NALCN: variants seen among roughly 807,000 people sequenced by gnomAD.
The protein encoded by NALCN is sodium leak channel NALCN.
A neutral mutation model predicts 225.3 loss-of-function variants in NALCN; 111 were observed. The ratio of observed to expected loss-of-function variants is 0.49; its 90% CI spans 0.42 to 0.58. The LOEUF (loss-of-function observed/expected upper bound fraction) is 0.58. Among genes scored for constraint, NALCN ranks in the 20% least tolerant of loss-of-function variants. The probability of loss-of-function intolerance (pLI) is 0.00; values close to 1 mark genes in which losing one functional copy is unlikely to be tolerated. For synonymous variants in NALCN, 764 were observed against 769.0 expected (o/e 0.99, Z 0.11); for missense variants, 1,378 against 2,202.4 (o/e 0.63, Z 7.49).
chr13:101,070,924 G>T (rs139688161), intron 37 of NALCN, among the ~76,000 whole-genome samples: 1 of 152,138 alleles, frequency 6.6e-6, no homozygotes, highest in African/African-American at 2.4e-5. Context: ...TTACAATCAC[G>T]GCGGAAGGGG....
intron 6 of NALCN, among the ~76,000 whole-genome samples, chr13:101,355,730 A>C (rs2046037964): frequency 1.3e-5 from 2 of 152,192 alleles, no homozygotes; most frequent in Admixed American, 6.5e-5. Flanking sequence ...CTCAACCCCA[A>C]ATCAACAGAA....
At chr13:101,401,432 A>C (rs1461790640) in intron 1 of NALCN, among the ~76,000 whole-genome samples, 1 of 152,206 alleles carries the variant, frequency 6.6e-6, no homozygotes, top group Non-Finnish European at 1.5e-5. Context: ...GATGACACAT[A>C]CAAAGGAGCA....
chr13:101,296,304 A>C (rs576643233), intron 7 of NALCN, among the ~76,000 whole-genome samples: 2 of 152,380 alleles, frequency 1.3e-5, no homozygotes, highest in South Asian at 4.1e-4. Context: ...GCCTACAGAC[A>C]TAGGAAAGCA....
chr13:101,196,122 T>G (rs2140020167), intron 13 of NALCN, among the ~76,000 whole-genome samples: 1 of 152,286 alleles, frequency 6.6e-6, no homozygotes, highest in South Asian at 2.1e-4. Context: ...CATTAATTGC[T>G]CAGAATCTGG....
chr13:101,249,743 G>C (rs2042006580), intron 11 of NALCN, among the ~76,000 whole-genome samples: 1 of 152,004 alleles, frequency 6.6e-6, no homozygotes, highest in African/African-American at 2.4e-5. Context: ...ATAGAAGTGA[G>C]CTTTATTAAC....
intron 10 of NALCN, among the ~76,000 whole-genome samples, chr13:101,273,208 AC>A (rs1388170676): frequency 5.3e-5 from 8 of 152,332 alleles, no homozygotes; most frequent in Admixed American, 5.2e-4. Context: ...GAAAACTCCT[AC>A]CTGAGCAGCA....
chr13:101,193,370 G>A (rs2039759901), intron 13 of NALCN, among the ~76,000 whole-genome samples: 1 of 152,118 alleles, frequency 6.6e-6, no homozygotes, highest in South Asian at 2.1e-4. Context: ...ATTTCCTTCA[G>A]TAAGGATAAC....
chr13:101,072,864 A>G (rs2032990779), intron 37 of NALCN, among the ~76,000 whole-genome samples: 1 of 152,208 alleles, frequency 6.6e-6, no homozygotes, highest in South Asian at 2.1e-4. Flanking sequence ...TAAATGCTCC[A>G]TAACCACATA....
At chr13:101,335,094 C>T (rs946541161) in intron 7 of NALCN, among the ~76,000 whole-genome samples, 6 of 152,128 alleles carry the variant, frequency 3.9e-5, no homozygotes, top group Non-Finnish European at 5.9e-5. Flanking sequence ...AATAAATCAT[C>T]ACTTTATGCT....
chr13:101,391,326 G>C (rs2047138021), intron 3 of NALCN, among the ~76,000 whole-genome samples: 1 of 151,970 alleles, frequency 6.6e-6, no homozygotes, highest in African/African-American at 2.4e-5. Context: ...AAATAAATAG[G>C]GGATAATTTC....
At chr13:101,125,519 G>A (rs563605734) in intron 17 of NALCN, among the ~76,000 whole-genome samples, 24 of 152,250 alleles carry the variant, frequency 1.6e-4, no homozygotes, top group Admixed American at 7.2e-4. Flanking sequence ...GTGACCATAG[G>A]AGATTTAGGG....
intron 1 of NALCN, among the ~76,000 whole-genome samples, chr13:101,409,125 G>A (rs2139548903): frequency 6.6e-6 from 1 of 152,094 alleles, no homozygotes. Flanking sequence ...TTTGCTAAAG[G>A]GATTCAGTAC....
In NALCN at chr13:101,082,818, A is replaced by T; in HGVS notation, c.3756T>A (p.Phe1252Leu). 2 of 1,614,162 alleles carry T rather than the reference A, an allele frequency of 1.2e-6. No individual in the cohort carries two copies. The highest frequency in any genetic ancestry group is 1.7e-6 in the Non-Finnish European group (2 of 1,179,988). ...ATMSVVFTFI[F>L]VLEVTMKIIA... is the part of the protein sequence containing the mutation. ...TGACTCATTACAGTACCTCCAGAAC[A>T]AAGATGAAGGTGAAAACAACTGACA... is the stretch of plus-strand genomic sequence containing the variant. Residue 1252 changes from phenylalanine (F) to leucine (L), a missense_variant, in exon 33 of 44, where the codon TTT (phenylalanine) becomes TTA (leucine). Transcript: ENST00000251127.
At chr13:101,327,294 T>C (rs954629901) in intron 7 of NALCN, among the ~76,000 whole-genome samples, 10 of 152,192 alleles carry the variant, frequency 6.6e-5, no homozygotes, top group Non-Finnish European at 1.3e-4. Context: ...AAATAAATGA[T>C]AGTTTATTGT....
Position 101,292,479 on chromosome 13 carries a change from G to T in NALCN, c.800-113C>A. ...TACTTATTTTCTCAATGACAAAAGTGCTTCAAAAATTGATTAGAATCACAT... is the reference window on the plus strand; with the variant it reads ...TACTTATTTTCTCAATGACAAAAGTTCTTCAAAAATTGATTAGAATCACAT... On this transcript the variant is annotated intron_variant, in intron 7 of 43. Coordinates refer to ENST00000251127, the MANE Select transcript of NALCN (RefSeq NM_052867.4). The surrounding 1 kb of genome is among the most constrained non-coding windows in gnomAD (Gnocchi z 4.3). 3 of 1,136,220 alleles carry T rather than the reference G, an allele frequency of 2.6e-6. No individual in the cohort carries two copies. Among genetic ancestry groups the T allele is most frequent in the Non-Finnish European group, 3.6e-6 (3 of 828,168 alleles). 70.4% of individuals were successfully genotyped at this position (1,136,220 alleles called of 1,614,324 possible). A position where few individuals can be genotyped will look rare whatever the true frequency, so the allele number is the denominator to read the frequency against.
chr13:101,357,558 T>C (rs1293053988), intron 6 of NALCN, among the ~76,000 whole-genome samples: 5 of 152,136 alleles, frequency 3.3e-5, no homozygotes, highest in Admixed American at 2.0e-4. Context: ...TGGAAAAACA[T>C]TCCATCCTCA....
chr13:101,307,085 T>A (rs554082094), intron 7 of NALCN, among the ~76,000 whole-genome samples: 1 of 152,238 alleles, frequency 6.6e-6, no homozygotes, highest in Non-Finnish European at 1.5e-5. Context: ...ATTATTGTTA[T>A]GAACTTCTAA....
At chr13:101,123,944 A>G (rs1272814604) in intron 18 of NALCN, among the ~76,000 whole-genome samples, 1 of 152,080 alleles carries the variant, frequency 6.6e-6, no homozygotes, top group African/African-American at 2.4e-5. Context: ...GAGCGATCCT[A>G]CCTCCAGCTC....
chr13:101,240,702 A>C lies in NALCN; in HGVS notation c.1267-2780T>G, dbSNP rs1211683000. On this transcript the variant is annotated intron_variant, in intron 11 of 43. Coordinates refer to ENST00000251127, the MANE Select transcript of NALCN (RefSeq NM_052867.4). Reference sequence around the variant, plus strand: ...ATGAAAGTTTCTTCAGCGTTCATATATAGTGGTTGAAATGAGTCTTGGTGA... The same window carrying C: ...ATGAAAGTTTCTTCAGCGTTCATATCTAGTGGTTGAAATGAGTCTTGGTGA... Among the ~76,000 whole-genome samples the C allele has an allele frequency of 2.0e-5, 3 of 152,148 alleles. No individual in the cohort carries two copies. In the South Asian group the frequency reaches 6.2e-4, roughly 31 times the overall value.
Sources: gnomAD v4.1 joint callset for allele counts (sites outside exome capture counted in the v4.1 genomes callset) on GRCh38, gnomAD v4.1.1 for gene constraint, Gnocchi (gnomAD v3.1) non-coding constraint, MANE v1.5 for transcripts, NCBI Gene and HGNC (gene_info 2026-07-23, HGNC 2026-07-21) for gene names.